Variants in PCDH9 observed in about 807,000 individuals in gnomAD.
PCDH9 encodes the protein protocadherin 9, also known as protocadherin-9.
A neutral mutation model predicts 70.6 loss-of-function variants in PCDH9; 24 were observed. The ratio of observed to expected loss-of-function variants is 0.34; its 90% CI spans 0.25 to 0.48. PCDH9 has a LOEUF of 0.48. Among genes scored for constraint, PCDH9 ranks in the 20% least tolerant of loss-of-function variants. PCDH9 has a pLI of 0.99. For synonymous variants in PCDH9, 562 were observed against 558.5 expected (o/e 1.01, Z -0.09); for missense variants, 1,281 against 1,503.6 (o/e 0.85, Z 2.45).
chr13:66,765,282 G>A (rs769316977), intron 3 of PCDH9, among the ~76,000 whole-genome samples: 1 of 151,788 alleles, frequency 6.6e-6, no homozygotes. Flanking sequence ...TCTGGGCTTG[G>A]ATACCTCATA....
intron 4 of PCDH9, among the ~76,000 whole-genome samples, chr13:66,553,736 C>G (rs1340711908): frequency 6.6e-6 from 1 of 152,160 alleles, no homozygotes; most frequent in Non-Finnish European, 1.5e-5. Flanking sequence ...CATGCAGAAA[C>G]ATGTACACAA....
chr13:66,942,214 T>G (rs1258388028), intron 2 of PCDH9, among the ~76,000 whole-genome samples: 3 of 151,828 alleles, frequency 2.0e-5, no homozygotes, highest in Non-Finnish European at 4.4e-5. Context: ...GTTAGTAATT[T>G]TAAAAGGTCT....
At chr13:66,804,806 T>G (rs1395019749) in intron 3 of PCDH9, among the ~76,000 whole-genome samples, 2 of 152,046 alleles carry the variant, frequency 1.3e-5, no homozygotes, top group Non-Finnish European at 2.9e-5. Flanking sequence ...GTTTGTGGGG[T>G]TTTTTTATAC....
At chr13:67,210,759 T>C (rs1041316502) in intron 2 of PCDH9, 2 of 152,052 alleles carry the variant, frequency 1.3e-5, no homozygotes, top group Non-Finnish European at 2.9e-5. Context: ...GAGAAAATAA[T>C]GTATTCTACA....
At chr13:66,974,998 G>C (rs554334649) in intron 2 of PCDH9, among the ~76,000 whole-genome samples, 3 of 152,036 alleles carry the variant, frequency 2.0e-5, no homozygotes, top group Admixed American at 6.6e-5. Flanking sequence ...GAGATGCTTA[G>C]GTTTTTACTC....
chr13:67,168,982 GT>G (rs1274569835), intron 2 of PCDH9, among the ~76,000 whole-genome samples: 1 of 152,124 alleles, frequency 6.6e-6, no homozygotes, highest in Admixed American at 6.6e-5. Context: ...TTTAATAAAT[GT>G]TTGTCAAACA....
rs372280754 is a variant in PCDH9, at chr13:67,045,167, C to T, written c.3037-141562G>A. Reference sequence around the variant, plus strand: ...GTGAAATTACATTAGGAACACAACCCTTTACCCAGCATCCTTATGTCATGG... The same window carrying T: ...GTGAAATTACATTAGGAACACAACCTTTTACCCAGCATCCTTATGTCATGG... On this transcript the variant is annotated intron_variant, in intron 2 of 4. Coordinates refer to ENST00000377865, the MANE Select transcript of PCDH9 (RefSeq NM_203487.3). 3.9e-5 allele frequency among the ~76,000 whole-genome samples: 6 copies of T among 152,070 alleles called. No homozygotes were observed. In the East Asian group the frequency reaches 1.2e-3, roughly 29 times the overall value.
At chr13:66,661,171 T>C (rs2078003723) in intron 3 of PCDH9, among the ~76,000 whole-genome samples, 1 of 152,230 alleles carries the variant, frequency 6.6e-6, no homozygotes, top group Non-Finnish European at 1.5e-5. Context: ...GTTTCCTTTA[T>C]TAACTAAGAA....
At chr13:67,183,126 G>A (rs2088660524) in intron 2 of PCDH9, among the ~76,000 whole-genome samples, 2 of 151,884 alleles carry the variant, frequency 1.3e-5, no homozygotes, top group Admixed American at 1.3e-4. Flanking sequence ...TTTATGCCTG[G>A]CACTTTAAGT....
At chr13:67,092,037 C>T (rs1320221745) in intron 2 of PCDH9, among the ~76,000 whole-genome samples, 1 of 152,058 alleles carries the variant, frequency 6.6e-6, no homozygotes, top group East Asian at 1.9e-4. Flanking sequence ...TATTTAAGAC[C>T]TTGGAGATAC....
chr13:67,150,785 G>A lies in PCDH9; in HGVS notation c.3036+74620C>T, dbSNP rs114215983. Among the ~76,000 whole-genome samples, 380 of 152,274 alleles carry A rather than the reference G, an allele frequency of 2.5e-3. 1 individual carries two copies. Among genetic ancestry groups the A allele is most frequent in the African/African-American group, 8.7e-3 (360 of 41,564 alleles). Reference sequence around the variant, plus strand: ...CCCTTTGTAAACACAGGTGTTAGTGGTGTTCCCTAATCTAATAGAACTCCA... The same window carrying A: ...CCCTTTGTAAACACAGGTGTTAGTGATGTTCCCTAATCTAATAGAACTCCA... On this transcript the variant is annotated intron_variant, in intron 2 of 4. Coordinates refer to ENST00000377865, the MANE Select transcript of PCDH9 (RefSeq NM_203487.3).
At chr13:67,108,981 A>G (rs1458036290) in intron 2 of PCDH9, among the ~76,000 whole-genome samples, 1 of 152,230 alleles carries the variant, frequency 6.6e-6, no homozygotes, top group East Asian at 1.9e-4. Flanking sequence ...AGTCAATTTT[A>G]GTCAAAATCA....
chr13:66,536,250 A>G (rs1278383306), intron 4 of PCDH9, among the ~76,000 whole-genome samples: 1 of 152,086 alleles, frequency 6.6e-6, no homozygotes, highest in African/African-American at 2.4e-5. Flanking sequence ...CTCAGGGAGT[A>G]CAACAGCTGA....
rs986321368 is a variant in PCDH9, at chr13:66,545,993, G to A, written c.3340+85217C>T. Reference sequence around the variant, plus strand: ...TGGGACTACAGGCACCCACCACCATGTCTGGCTATTTTTTTCTATCTTTTT... The same window carrying A: ...TGGGACTACAGGCACCCACCACCATATCTGGCTATTTTTTTCTATCTTTTT... On this transcript the variant is annotated intron_variant, in intron 4 of 4. Coordinates refer to ENST00000377865, the MANE Select transcript of PCDH9 (RefSeq NM_203487.3). 8.6e-5 allele frequency among the ~76,000 whole-genome samples: 13 copies of A among 151,460 alleles called. 1 individual carries two copies. The highest frequency in any genetic ancestry group is 5.9e-4 in the Admixed American group (9 of 15,172).
chr13:66,536,756 C>T (rs1355982770), intron 4 of PCDH9, among the ~76,000 whole-genome samples: 2 of 151,962 alleles, frequency 1.3e-5, no homozygotes, highest in African/African-American at 4.8e-5. Context: ...AGTTATGAAA[C>T]CGTGCTTTTC....
chr13:66,584,617 C>A (rs2076938770), intron 4 of PCDH9, among the ~76,000 whole-genome samples: 1 of 152,112 alleles, frequency 6.6e-6, no homozygotes, highest in Admixed American at 6.6e-5. Flanking sequence ...TTTTCTAGAT[C>A]ATTTCGAACT....
intron 3 of PCDH9, among the ~76,000 whole-genome samples, chr13:66,820,327 A>G (rs2080688559): frequency 6.6e-6 from 1 of 152,152 alleles, no homozygotes; most frequent in Non-Finnish European, 1.5e-5. Flanking sequence ...TTTAGTCGAT[A>G]CCCCTAGATT....
At chr13:66,400,072 C>T (rs1020734296) in intron 4 of PCDH9, among the ~76,000 whole-genome samples, 2 of 152,192 alleles carry the variant, frequency 1.3e-5, no homozygotes, top group Admixed American at 1.3e-4. Context: ...CATACTCGCT[C>T]ACACTCTGCA....
At chr13:66,440,974 T>A (rs896610811) in intron 4 of PCDH9, among the ~76,000 whole-genome samples, 2 of 152,184 alleles carry the variant, frequency 1.3e-5, no homozygotes, top group East Asian at 1.9e-4. Context: ...ACAAGCATAA[T>A]TAACTTTAAA....
Sources: gnomAD v4.1 joint callset for allele counts (sites outside exome capture counted in the v4.1 genomes callset) on GRCh38, gnomAD v4.1.1 for gene constraint, MANE v1.5 for transcripts, NCBI Gene and HGNC (gene_info 2026-07-23, HGNC 2026-07-21) for gene names.